Variants in ZNF292 observed in about 807,000 individuals in gnomAD.
ZNF292 encodes 16 zinc-finger domain protein.
Under a neutral mutation model 217.9 loss-of-function variants are expected in ZNF292, and 26 were observed. That is an observed-to-expected ratio of 0.12 (90% CI 0.09 to 0.17). The LOEUF (loss-of-function observed/expected upper bound fraction) is 0.17. Ranked by LOEUF, ZNF292 falls within the 10% of genes least tolerant of loss-of-function variation. ZNF292 has a pLI of 1.00. For missense variants in ZNF292, 2,904 were observed against 3,175.2 expected (o/e 0.91, Z 2.05); for synonymous variants, 1,257 against 1,124.1 (o/e 1.12, Z -2.37).
intron 4 of ZNF292, among the ~76,000 whole-genome samples, chr6:87,226,872 G>T (rs986136992): frequency 7.3e-5 from 11 of 151,724 alleles, no homozygotes; most frequent in Non-Finnish European, 1.5e-4. Flanking sequence ...TGGAGACGGG[G>T]TTTCACTATG....
At chr6:87,235,717 C>G (rs560298482) in intron 5 of ZNF292, among the ~76,000 whole-genome samples, 11 of 152,106 alleles carry the variant, frequency 7.2e-5, no homozygotes, top group Non-Finnish European at 1.3e-4. Flanking sequence ...TGTGAAGACC[C>G]TGGGTACTTC....
intron 7 of ZNF292, among the ~76,000 whole-genome samples, chr6:87,245,993 G>A (rs184063047): frequency 1.3e-5 from 2 of 152,328 alleles, no homozygotes; most frequent in Non-Finnish European, 2.9e-5. Flanking sequence ...AGCACTTTGG[G>A]AGGCCAAGGC....
intron 1 of ZNF292, among the ~76,000 whole-genome samples, chr6:87,171,147 A>G (rs1454190001): frequency 1.3e-5 from 2 of 152,200 alleles, no homozygotes; most frequent in Non-Finnish European, 2.9e-5. Flanking sequence ...AATAATTTAT[A>G]AAAGATACTT....
chr6:87,188,150 T>G (rs1771718749), intron 1 of ZNF292, among the ~76,000 whole-genome samples: 1 of 152,226 alleles, frequency 6.6e-6, no homozygotes, highest in African/African-American at 2.4e-5. Flanking sequence ...ATTCTCTAGT[T>G]TGCCAGTTGT....
chr6:87,256,191 T>A lies in ZNF292; in HGVS notation c.2562T>A (p.Pro854=), dbSNP rs1260103232. ...QLNSSGDSIQ[P]SEVNQNTAEN... Reference sequence around the variant, plus strand: ...ATTCATCTGGAGATTCCATTCAGCCTTCTGAAGTGAATCAGAACACAGCAG... The same window carrying A: ...ATTCATCTGGAGATTCCATTCAGCCATCTGAAGTGAATCAGAACACAGCAG... The change falls in exon 8 of 8, where the codon CCT becomes CCA. Residue 854 remains proline, a synonymous_variant. Transcript: ENST00000369577. The A allele has an allele frequency of 6.2e-7, 1 of 1,613,882 alleles. No individual in the cohort carries two copies. Among genetic ancestry groups the A allele is most frequent in the East Asian group, 2.2e-5 (1 of 44,878 alleles).
chr6:87,218,684 C>T lies in ZNF292; in HGVS notation c.491C>T (p.Pro164Leu), dbSNP rs191595173. The stretch of plus-strand genomic sequence containing the variant: ...CAAGAGACTGGGGTGTGGAAAAACC[C>T]GGTACTGTGCACTATTCTTTCCCAG... The part of the protein sequence containing the change: ...LAQETGVWKN[P>L]VLCTILSQEP... Residue 164 changes from proline to leucine, a missense_variant, in exon 4 of 8, where the codon CCG becomes CTG. By Grantham distance (98) the Pro-to-Leu change is moderately conservative. This residue lies in a region of ZNF292 where 313 missense variants were observed against 451.0 expected (regional missense o/e 0.69). Coordinates refer to ENST00000369577, the MANE Select transcript of ZNF292 (RefSeq NM_015021.3). 9.4e-6 allele frequency: 15 copies of T among 1,596,526 alleles called. No individual in the cohort carries two copies. The highest frequency in any genetic ancestry group is 2.3e-5 in the East Asian group (1 of 44,348).
At chr6:87,218,318 C>T (rs1454170431) in intron 3 of ZNF292, among the ~76,000 whole-genome samples, 1 of 151,930 alleles carries the variant, frequency 6.6e-6, no homozygotes, top group Non-Finnish European at 1.5e-5. Context: ...CTGATTGCTT[C>T]CTTGAGGAAT....
rs575670167 is a variant in ZNF292 at position 87,213,276 on chromosome 6, C to T, written c.169-2627C>T. 5.5e-4 allele frequency among the ~76,000 whole-genome samples: 84 copies of T among 152,296 alleles called. 1 individual carries two copies. Among genetic ancestry groups the T allele is most frequent in the Admixed American group, 6.5e-4 (10 of 15,302 alleles). ...CTCAGGGAGGGGACTGTTAGAAATG[C>T]TTATTCCCGGTGCCACAAAGAAATA... On this transcript the variant is annotated intron_variant, in intron 1 of 7. Transcript: ENST00000369577.
intron 4 of ZNF292, among the ~76,000 whole-genome samples, chr6:87,226,075 C>T (rs1773328968): frequency 6.6e-6 from 1 of 152,162 alleles, no homozygotes; most frequent in Non-Finnish European, 1.5e-5. Context: ...TCTAAGACAA[C>T]TCCCTATTAT....
At chr6:87,206,168 C>T (rs1372874806) in intron 1 of ZNF292, among the ~76,000 whole-genome samples, 1 of 152,198 alleles carries the variant, frequency 6.6e-6, no homozygotes, top group Non-Finnish European at 1.5e-5. Flanking sequence ...GATGCTTAAA[C>T]TTACAGCTGT....
Position 87,258,277 on chromosome 6 carries a change from C to G in ZNF292, c.4648C>G (p.Gln1550Glu). Reference sequence around the variant, plus strand: ...CCATCCAAACACCTTGCTGACCAACCAGAATAGGACGTCAAACTCCAAAAC... The same window carrying G: ...CCATCCAAACACCTTGCTGACCAACGAGAATAGGACGTCAAACTCCAAAAC... ...VCHPNTLLTNQNRTSNSKTSS... is the reference protein window; with the variant it reads ...VCHPNTLLTNENRTSNSKTSS... Residue 1550 changes from glutamine (Q) to glutamate (E), a missense_variant, in exon 8 of 8, where the codon CAG (glutamine) becomes GAG (glutamate). Transcript: ENST00000369577. The G allele has an allele frequency of 6.2e-7, 1 of 1,613,348 alleles. No homozygotes were observed. Among genetic ancestry groups the G allele is most frequent in the Non-Finnish European group, 8.5e-7 (1 of 1,179,674 alleles).
chr6:87,234,558 C>CG, intron 5 of ZNF292, among the ~76,000 whole-genome samples: 1 of 118,402 alleles, frequency 8.4e-6, no homozygotes, highest in East Asian at 2.4e-4. Flanking sequence ...GACTCTGTCG[C>CG]AAAAAAAAAA....
intron 4 of ZNF292, chr6:87,222,621 C>G (rs1459041419): frequency 4.0e-6 from 1 of 251,210 alleles, no homozygotes; most frequent in African/African-American, 2.2e-5. Flanking sequence ...TCCATATACC[C>G]TGAACCCGTT....
At chr6:87,181,792 C>G (rs957211382) in intron 1 of ZNF292, among the ~76,000 whole-genome samples, 3 of 152,108 alleles carry the variant, frequency 2.0e-5, no homozygotes, top group African/African-American at 7.2e-5. Context: ...AGCAATTCTC[C>G]TGCCTCAGCC....
chr6:87,160,529 A>G (rs1286465789), intron 1 of ZNF292, among the ~76,000 whole-genome samples: 1 of 149,682 alleles, frequency 6.7e-6, no homozygotes, highest in East Asian at 1.9e-4. Flanking sequence ...ATATGCAAGG[A>G]CCTAGGTTTA....
rs200650213 is a variant in ZNF292, at chr6:87,262,620, TAAAAA to T, written c.*824_*828del. The T allele has an allele frequency of 1.3e-5, 2 of 151,352 alleles. No individual in the cohort carries two copies. The highest frequency in any genetic ancestry group is 2.4e-5 in the African/African-American group (1 of 41,292). The allele number at this position is 151,352 out of a possible 1,614,324, so 9.4% of individuals were successfully genotyped here. ...ATTGAAGATTTTAAACATTTGGTAT[TAAAAA>T]AAAATCCTTTGTGAATGTGATAGAA... On this transcript the variant is annotated 3_prime_UTR_variant, in exon 8 of 8. Coordinates refer to ENST00000369577, the MANE Select transcript of ZNF292 (RefSeq NM_015021.3).
At chr6:87,242,013 A>C (rs959109289) in intron 5 of ZNF292, among the ~76,000 whole-genome samples, 2 of 152,224 alleles carry the variant, frequency 1.3e-5, no homozygotes, top group Non-Finnish European at 2.9e-5. Context: ...CATAAGTCGC[A>C]GACCATCTGT....
In ZNF292 at chr6:87,204,554, A is replaced by ATTTTTTTTTTTTTTTTTTTTT. The variant is rs68087857; in HGVS notation, c.169-11343_169-11323dup. Among the ~76,000 whole-genome samples, 5 of 63,640 alleles carry ATTTTTTTTTTTTTTTTTTTTT rather than the reference A, an allele frequency of 7.9e-5. 1 individual carries two copies. Among genetic ancestry groups the ATTTTTTTTTTTTTTTTTTTTT allele is most frequent in the African/African-American group, 3.5e-4 (5 of 14,370 alleles). The allele number at this position is 63,640 out of a possible 152,430, so 41.8% of individuals were successfully genotyped here. A position where few individuals can be genotyped will look rare whatever the true frequency, so the allele number is the denominator to read the frequency against. ...TAGGATTTGGTTGGTAACATTTAGG[A>ATTTTTTTTTTTTTTTTTTTTT]TTTTTTTTTTTTTTTTTTTTTTTTT... On this transcript the variant is annotated intron_variant, in intron 1 of 7. Transcript: ENST00000369577.
rs1775156841 is a variant in ZNF292 at position 87,255,453 on chromosome 6, A to G, written c.1824A>G (p.Arg608=). 2.5e-6 allele frequency: 4 copies of G among 1,613,598 alleles called. No homozygotes were observed. Among genetic ancestry groups the G allele is most frequent in the Non-Finnish European group, 2.5e-6 (3 of 1,179,804 alleles). Reference sequence around the variant, plus strand: ...TAGCAGCTATGAAACCATTAAGAAGATTGGGAAGGCCTCCAAAGATCACAA... The same window carrying G: ...TAGCAGCTATGAAACCATTAAGAAGGTTGGGAAGGCCTCCAAAGATCACAA... ...ERLAAMKPLR[R]LGRPPKITTT... The change falls in exon 8 of 8, where the codon AGA becomes AGG. Residue 608 remains arginine, a synonymous_variant. Transcript: ENST00000369577.
Sources: allele counts gnomAD v4.1 joint callset (sites outside exome capture counted in the v4.1 genomes callset), GRCh38; gene constraint gnomAD v4.1.1; regional missense constraint gnomAD v4.1.1; transcripts MANE v1.5; gene names NCBI Gene and HGNC (gene_info 2026-07-23, HGNC 2026-07-21).